The following UNC79 variants were observed in gnomAD, a reference collection of about 807,000 sequenced individuals.
UNC79 encodes the protein protein unc-79 homolog.
A neutral mutation model predicts 283.1 loss-of-function variants in UNC79; 37 were observed. The observed-to-expected ratio is 0.13, with a 90% CI of 0.10 to 0.17. The LOEUF (loss-of-function observed/expected upper bound fraction) is 0.17. UNC79 is among the 10% of genes least tolerant of loss of function. UNC79 has a pLI of 1.00. For missense variants in UNC79, 2,272 were observed against 3,211.1 expected (o/e 0.71, Z 7.07); for synonymous variants, 1,107 against 1,200.2 (o/e 0.92, Z 1.61).
chr14:93,351,237 G>A (rs2053975139), intron 1 of UNC79, among the ~76,000 whole-genome samples: 2 of 152,048 alleles, frequency 1.3e-5, no homozygotes, highest in African/African-American at 4.8e-5. Context: ...ATATTCGTAG[G>A]TTTTTGATTC....
intron 12 of UNC79, 35 bp from the exon 13 acceptor site, chr14:93,540,625 A>T: frequency 6.3e-7 from 1 of 1,596,326 alleles, no homozygotes; most frequent in African/African-American, 1.3e-5. Context: ...GTGTTTTTTC[A>T]CAGTCTAACT....
chr14:93,364,434 T>C lies in UNC79; in HGVS notation c.-351+30911T>C, dbSNP rs142122176. 3.4e-3 allele frequency among the ~76,000 whole-genome samples: 510 copies of C among 151,658 alleles called. 2 individuals carry two copies. The highest frequency in any genetic ancestry group is 0.011 in the African/African-American group (475 of 41,324). On this transcript the variant is annotated intron_variant, in intron 1 of 49. Transcript: ENST00000256339. ...GTAGTTTAGGTTTTATTTTAATTTA[T>C]TGTAGGTGGAGAGATTAGATCAAGA...
intron 1 of UNC79, among the ~76,000 whole-genome samples, chr14:93,347,809 C>T (rs1053677887): frequency 1.3e-5 from 2 of 151,256 alleles, no homozygotes; most frequent in Non-Finnish European, 2.9e-5. Context: ...TTCCAGAGTG[C>T]GAAGGTTGGA....
chr14:93,536,260 C>T (rs756623655), intron 11 of UNC79, among the ~76,000 whole-genome samples: 12 of 152,190 alleles, frequency 7.9e-5, no homozygotes, highest in East Asian at 3.9e-4. Flanking sequence ...TGTTTTATGC[C>T]GCTAAATTTT....
intron 1 of UNC79, among the ~76,000 whole-genome samples, chr14:93,363,509 A>C (rs1010914196): frequency 2.6e-5 from 4 of 152,100 alleles, no homozygotes; most frequent in Non-Finnish European, 4.4e-5. Context: ...TTAGGTCCCA[A>C]ACATCTTTGT....
chr14:93,404,962 T>A (rs2140037086), intron 1 of UNC79, among the ~76,000 whole-genome samples: 1 of 152,146 alleles, frequency 6.6e-6, no homozygotes, highest in Non-Finnish European at 1.5e-5. Flanking sequence ...AAAGAATAAA[T>A]GAGGCTGCAA....
At chr14:93,458,101 G>A (rs4905070) in intron 1 of UNC79, among the ~76,000 whole-genome samples, 105,694 of 151,616 alleles carry the variant, frequency 0.7, 37,230 homozygotes, top group Middle Eastern at 0.77. Context: ...AACATTTTTT[G>A]ATGACAGCTT....
intron 14 of UNC79, 44 bp downstream of exon 14, chr14:93,542,740 T>A (rs776394797): frequency 5.0e-6 from 8 of 1,604,112 alleles, no homozygotes; most frequent in African/African-American, 4.0e-5. Context: ...AGAGGAGGAC[T>A]TGGGGAGAAG....
chr14:93,349,946 T>A (rs767369375), intron 1 of UNC79, among the ~76,000 whole-genome samples: 42 of 152,186 alleles, frequency 2.8e-4, no homozygotes, highest in Non-Finnish European at 5.4e-4. Flanking sequence ...ATAAAAAAAA[T>A]TAAGTGCATA....
rs561558923 is a variant in UNC79 at position 93,634,770 on chromosome 14, C to T, written c.5717-2446C>T. 3.2e-5 allele frequency: 26 copies of T among 803,178 alleles called. No individual in the cohort carries two copies. The Admixed American group carries it at 3.5e-4, about 11-fold the overall frequency. The allele number at this position is 803,178 out of a possible 1,614,324, so 49.8% of individuals were successfully genotyped here. On this transcript the variant is annotated intron_variant, in intron 31 of 48. Coordinates refer to ENST00000555664, the Ensembl canonical transcript of UNC79. ...TGGTTCAGGTAATTTTTCAAAACCACCTAAGGTAATTAGTAAGTCTATTTA... is the reference window on the plus strand; with the variant it reads ...TGGTTCAGGTAATTTTTCAAAACCATCTAAGGTAATTAGTAAGTCTATTTA...
chr14:93,634,179 A>G (rs1478674752), intron 31 of UNC79, among the ~76,000 whole-genome samples: 2 of 152,220 alleles, frequency 1.3e-5, no homozygotes, highest in Non-Finnish European at 2.9e-5. Context: ...GTTAAGCCAT[A>G]CATTTAAATT....
intron 1 of UNC79, among the ~76,000 whole-genome samples, chr14:93,376,045 C>G (rs1326742507): frequency 2.0e-5 from 3 of 152,182 alleles, no homozygotes; most frequent in Non-Finnish European, 4.4e-5. Context: ...CAGTTGTGAC[C>G]TTTTGACCTG....
intron 14 of UNC79, among the ~76,000 whole-genome samples, chr14:93,565,993 A>G (rs189290118): frequency 1.3e-5 from 2 of 152,286 alleles, no homozygotes; most frequent in Admixed American, 1.3e-4. Flanking sequence ...AAAAATAAAA[A>G]CACAACAAAT....
At chr14:93,490,700 T>C (rs1454012586) in intron 5 of UNC79, among the ~76,000 whole-genome samples, 2 of 152,198 alleles carry the variant, frequency 1.3e-5, no homozygotes, top group Non-Finnish European at 2.9e-5. Context: ...CTCTTCAGGA[T>C]CATTTAGGTA....
intron 20 of UNC79, among the ~76,000 whole-genome samples, chr14:93,583,948 G>T (rs1359240859): frequency 2.6e-5 from 4 of 151,972 alleles, no homozygotes; most frequent in African/African-American, 9.7e-5. Flanking sequence ...TGGGACCACA[G>T]ACATGCTCCA....
chr14:93,588,734 C>G (rs2064402218), intron 22 of UNC79, among the ~76,000 whole-genome samples: 1 of 127,250 alleles, frequency 7.9e-6, no homozygotes, highest in African/African-American at 3.2e-5. Flanking sequence ...GAGGGAGACT[C>G]CGTCTCAAAA....
At chr14:93,624,880 A>T (rs1363747640) in intron 30 of UNC79, among the ~76,000 whole-genome samples, 1 of 152,066 alleles carries the variant, frequency 6.6e-6, no homozygotes, top group African/African-American at 2.4e-5. Flanking sequence ...AAACCCTCCC[A>T]GACGCACAGC....
intron 41 of UNC79, among the ~76,000 whole-genome samples, chr14:93,678,849 G>C (rs934214867): frequency 1.6e-4 from 25 of 152,302 alleles, no homozygotes; most frequent in East Asian, 5.8e-4. Context: ...AAAAAGAGGC[G>C]TGGAGATAGG....
intron 1 of UNC79, among the ~76,000 whole-genome samples, chr14:93,402,481 A>C (rs2055131514): frequency 6.6e-6 from 1 of 151,926 alleles, no homozygotes; most frequent in Admixed American, 6.6e-5. Context: ...TGAACTGAGA[A>C]GAGGTAGATA....
Sources: gnomAD v4.1 joint callset for allele counts (sites outside exome capture counted in the v4.1 genomes callset) on GRCh38, gnomAD v4.1.1 for gene constraint, MANE v1.5 for transcripts, NCBI Gene and HGNC (gene_info 2026-07-23, HGNC 2026-07-21) for gene names.